Variants in SOD2 observed in about 807,000 individuals in gnomAD.
SOD2 encodes superoxide dismutase [Mn], mitochondrial.
In SOD2, 11 loss-of-function variants were observed where a neutral mutation model predicts 27.0. That is an observed-to-expected ratio of 0.41 (90% CI 0.26 to 0.67). SOD2 has a LOEUF of 0.67. SOD2 is among the 30% of genes least tolerant of loss of function. The pLI is 0.34. For missense variants in SOD2, 250 were observed against 274.5 expected, an observed-to-expected ratio of 0.91 and a Z score of 0.63; for synonymous variants, 105 against 103.0, an observed-to-expected ratio of 1.02 and a Z score of -0.12.
chr6:159,727,631 C>G, upstream of SOD2: 1 of 985,914 alleles, frequency 1.0e-6, no homozygotes, highest in Non-Finnish European at 1.2e-6. Context: ...CCCGGGGGGC[C>G]CGGGCGGCAG....
intron 1 of SOD2, among the ~76,000 whole-genome samples, chr6:159,712,369 ACCTCCATAACCACCTCCATAACCACCAC>A (rs1777823682): frequency 8.5e-6 from 1 of 117,312 alleles, no homozygotes; most frequent in Non-Finnish European, 1.8e-5. Flanking sequence ...AGCTGCTCTG[ACCTCCATAACCACCTCCATAACCACCAC>A]TCACACTGCT....
At chr6:159,706,645 T>A (rs1175545009) in intron 1 of SOD2, among the ~76,000 whole-genome samples, 1 of 152,134 alleles carries the variant, frequency 6.6e-6, no homozygotes, top group African/African-American at 2.4e-5. Context: ...ACAAAGAGAC[T>A]TAGACTCCCA....
intron 1 of SOD2, chr6:159,713,032 C>T (rs773832104): frequency 3.8e-5 from 24 of 638,000 alleles, no homozygotes; most frequent in South Asian, 8.2e-5. Context: ...ACTCTGTCAT[C>T]GTGTCCAATT....
upstream of SOD2, among the ~76,000 whole-genome samples, chr6:159,697,691 T>C (rs1193952202): frequency 1.3e-5 from 2 of 152,242 alleles, no homozygotes; most frequent in African/African-American, 4.8e-5. Context: ...TCCATGTTGC[T>C]AGCTACTAAG....
chr6:159,741,429 T>A (rs1241871055), intron 1 of SOD2, among the ~76,000 whole-genome samples: 1 of 152,176 alleles, frequency 6.6e-6, no homozygotes, highest in African/African-American at 2.4e-5. Flanking sequence ...ATAAAGAACC[T>A]TCAATTCTAC....
chr6:159,734,229 G>A (rs1425780274), intron 1 of SOD2, among the ~76,000 whole-genome samples: 4 of 151,808 alleles, frequency 2.6e-5, no homozygotes, highest in African/African-American at 9.7e-5. Flanking sequence ...GCCCGGGCTC[G>A]GTTCAAACTC....
intron 1 of SOD2, among the ~76,000 whole-genome samples, chr6:159,759,380 T>C (rs1780077360): frequency 2.1e-5 from 3 of 145,310 alleles, no homozygotes; most frequent in East Asian, 2.3e-4. Flanking sequence ...TTAAAAATTA[T>C]CTTCCAGCTG....
chr6:159,702,743 G>A (rs973729652), intron 1 of SOD2, among the ~76,000 whole-genome samples: 1 of 142,818 alleles, frequency 7.0e-6, no homozygotes, highest in African/African-American at 2.6e-5. Flanking sequence ...CCCAGTTACT[G>A]AGAGGCTGAG....
chr6:159,739,064 A>C (rs748336143), intron 1 of SOD2: 1 of 1,597,206 alleles, frequency 6.3e-7, no homozygotes, highest in Non-Finnish European at 8.6e-7. Flanking sequence ...TTCTCTGTTC[A>C]AAAACAAAGT....
At chr6:159,741,878 G>A in intron 1 of SOD2, 1 of 421,170 alleles carries the variant, frequency 2.4e-6, no homozygotes, top group South Asian at 2.5e-5. Flanking sequence ...CTGAGGCAGG[G>A]ACATCGCTTG....
intron 1 of SOD2, among the ~76,000 whole-genome samples, chr6:159,754,683 T>TA (rs1182386499): frequency 3.3e-5 from 5 of 152,312 alleles, no homozygotes; most frequent in Non-Finnish European, 7.4e-5. Context: ...AGGAAAATAG[T>TA]TATTTTACTG....
At chr6:159,698,703 A>C (rs866228169) in intron 1 of SOD2, among the ~76,000 whole-genome samples, 1 of 152,056 alleles carries the variant, frequency 6.6e-6, no homozygotes, top group Non-Finnish European at 1.5e-5. Context: ...GACCGGCAAT[A>C]ACATAAAGTT....
intron 2 of SOD2, 113 bp downstream of exon 2, chr6:159,692,548 G>C: frequency 6.6e-7 from 1 of 1,523,748 alleles, no homozygotes; most frequent in Non-Finnish European, 8.8e-7. Context: ...ACTCGGAACC[G>C]GTACAAATAC....
At chr6:159,704,144 G>A (rs1002011869) in intron 1 of SOD2, among the ~76,000 whole-genome samples, 1 of 151,174 alleles carries the variant, frequency 6.6e-6, no homozygotes, top group Non-Finnish European at 1.5e-5. Context: ...ATTAGGAGAG[G>A]CGGATCCAAG....
chr6:159,689,702 G>A (rs533055319), intron 2 of SOD2, among the ~76,000 whole-genome samples: 2 of 152,288 alleles, frequency 1.3e-5, no homozygotes, highest in South Asian at 2.1e-4. Flanking sequence ...GCTCACGCCT[G>A]TAATCTCAGC....
At position 159,703,533 on chromosome 6, in the gene SOD2, G is replaced by A. The variant is rs184613505; in HGVS notation, c.-115-10670C>T. On this transcript the variant is annotated intron_variant, in intron 1 of 2. Transcript: ENST00000401980. Reference sequence around the variant, plus strand: ...CAAATGACATGACGAAACTCCTAAAGTATTAGTATTACATCTTAAAATTGT... The same window carrying A: ...CAAATGACATGACGAAACTCCTAAAATATTAGTATTACATCTTAAAATTGT... Among the ~76,000 whole-genome samples the A allele has an allele frequency of 9.3e-5, 14 of 151,274 alleles. 1 individual carries two copies. Among genetic ancestry groups the A allele is most frequent in the Non-Finnish European group, 1.6e-4 (11 of 67,724 alleles).
upstream of SOD2, among the ~76,000 whole-genome samples, chr6:159,729,382 CAG>C (rs1659253886): frequency 6.6e-6 from 1 of 152,180 alleles, no homozygotes; most frequent in African/African-American, 2.4e-5. Flanking sequence ...AAGCTTAACA[CAG>C]AAAAACTTTT....
rs1251640762 is a variant in SOD2, at chr6:159,674,922, C to A, written c.*7571G>T. On this transcript the variant is annotated 3_prime_UTR_variant, in exon 5 of 5. Coordinates refer to ENST00000538183, the MANE Select transcript of SOD2 (RefSeq NM_000636.4). ...AATCTCAGGATACAAAATCAATGTG[C>A]AAAAATCACAAGCATTCTTATACAC... 1 of 152,152 alleles carries A rather than the reference C, an allele frequency of 6.6e-6. No homozygotes were observed. The highest frequency in any genetic ancestry group is 2.4e-5 in the African/African-American group (1 of 41,418). 9.4% of individuals were successfully genotyped at this position (152,152 alleles called of 1,614,324 possible).
chr6:159,706,797 C>A (rs1241862785), intron 1 of SOD2, among the ~76,000 whole-genome samples: 1 of 152,184 alleles, frequency 6.6e-6, no homozygotes, highest in Non-Finnish European at 1.5e-5. Context: ...CTCTCCACCC[C>A]AAATCAACAG....
Sources: allele counts gnomAD v4.1 joint callset (sites outside exome capture counted in the v4.1 genomes callset), GRCh38; gene constraint gnomAD v4.1.1; transcripts MANE v1.5; gene names NCBI Gene and HGNC (gene_info 2026-07-23, HGNC 2026-07-21).